Variants in STXBP4 observed in about 807,000 individuals in gnomAD.
STXBP4 encodes the protein syntaxin binding protein 4.
Under a neutral mutation model 76.1 loss-of-function variants are expected in STXBP4, and 55 were observed. That is an observed-to-expected ratio of 0.72 (90% confidence interval 0.58 to 0.91). The LOEUF is 0.91. Among genes scored for constraint, STXBP4 ranks in the 40% least tolerant of loss-of-function variants. The pLI, the probability that STXBP4 is intolerant of heterozygous loss-of-function variation, is 0.00. For missense variants in STXBP4, 618 were observed against 636.9 expected (o/e 0.97, Z 0.32); for synonymous variants, 201 against 220.2 (o/e 0.91, Z 0.77).
chr17:55,070,453 A>G (rs909213719), intron 12 of STXBP4, among the ~76,000 whole-genome samples: 6 of 152,172 alleles, frequency 3.9e-5, no homozygotes, highest in African/African-American at 1.4e-4. Context: ...CCTTTTCCAG[A>G]TATTTCTTTC....
chr17:55,085,381 A>G (rs1343159152), intron 16 of STXBP4, among the ~76,000 whole-genome samples: 1 of 152,184 alleles, frequency 6.6e-6, no homozygotes, highest in Non-Finnish European at 1.5e-5. Context: ...ATACATTAGT[A>G]TAAGTTAAAT....
chr17:55,102,244 T>G (rs1213711075), intron 16 of STXBP4, among the ~76,000 whole-genome samples: 1 of 152,090 alleles, frequency 6.6e-6, no homozygotes, highest in Non-Finnish European at 1.5e-5. Context: ...GTTATCTACA[T>G]TAGGTATTTC....
chr17:55,131,594 A>T (rs1420879782), intron 16 of STXBP4, among the ~76,000 whole-genome samples: 3 of 152,230 alleles, frequency 2.0e-5, no homozygotes, highest in Admixed American at 6.5e-5. Context: ...AACCAGTGTA[A>T]ATCAAGCTTG....
At chr17:55,119,554 C>A (rs1419571558) in intron 16 of STXBP4, among the ~76,000 whole-genome samples, 1 of 151,872 alleles carries the variant, frequency 6.6e-6, no homozygotes, top group African/African-American at 2.4e-5. Flanking sequence ...AACCCTAGAA[C>A]TAGAAGAACA....
At chr17:55,121,328 T>A (rs1031759100) in intron 16 of STXBP4, among the ~76,000 whole-genome samples, 10 of 152,160 alleles carry the variant, frequency 6.6e-5, no homozygotes, top group African/African-American at 9.7e-5. Flanking sequence ...AAATTTTGAA[T>A]GGCAGTGATG....
downstream of STXBP4, among the ~76,000 whole-genome samples, chr17:55,176,547 T>C (rs1218969523): frequency 2.6e-5 from 4 of 152,160 alleles, no homozygotes; most frequent in East Asian, 1.9e-4. Flanking sequence ...TCATAAGCTA[T>C]GTTAAAAAAT....
chr17:55,206,301 ACCCCATTCATAT>A, the STXBP4 span, among the ~76,000 whole-genome samples: 1 of 152,138 alleles, frequency 6.6e-6, no homozygotes, highest in Non-Finnish European at 1.5e-5. Flanking sequence ...ATGCCCCCCA[ACCCCATTCATAT>A]GCTGCTATAT....
chr17:55,209,124 G>A, the STXBP4 span, among the ~76,000 whole-genome samples: 1 of 152,044 alleles, frequency 6.6e-6, no homozygotes, highest in African/African-American at 2.4e-5. Flanking sequence ...TTATAAAAGA[G>A]GTGGGATGGA....
intron 13 of STXBP4, among the ~76,000 whole-genome samples, chr17:55,076,749 G>A (rs529049436): frequency 6.6e-6 from 1 of 152,136 alleles, no homozygotes; most frequent in African/African-American, 2.4e-5. Flanking sequence ...TTCATTCTTT[G>A]TATTTGTTCT....
chr17:54,999,663 A>G lies in STXBP4; in HGVS notation c.319A>G (p.Arg107Gly), dbSNP rs752982436. The G allele has an allele frequency of 2.5e-6, 4 of 1,613,736 alleles. No individual in the cohort carries two copies. Among genetic ancestry groups the G allele is most frequent in the Non-Finnish European group, 3.4e-6 (4 of 1,179,826 alleles). ...ATCTGCTTGGGAGATAGCATTCATA[A>G]GACAAAAATCCGACAACATTCAGCC... Reference protein sequence around the residue: ...LESAWEIAFIRQKSDNIQPEN... With the variant: ...LESAWEIAFIGQKSDNIQPEN... Residue 107 changes from arginine (R) to glycine (G), a missense_variant, in exon 6 of 18, where the codon AGA becomes GGA. Physicochemically the swap from Arg to Gly is moderately radical, Grantham distance 125. Transcript: ENST00000376352.
At chr17:55,032,405 A>G (rs1002526882) in intron 9 of STXBP4, among the ~76,000 whole-genome samples, 2 of 152,202 alleles carry the variant, frequency 1.3e-5, no homozygotes, top group Non-Finnish European at 2.9e-5. Flanking sequence ...GGGTGAGGAA[A>G]GTAAATTTGT....
chr17:55,041,426 C>T (rs2078697989), intron 10 of STXBP4, among the ~76,000 whole-genome samples: 1 of 151,964 alleles, frequency 6.6e-6, no homozygotes, highest in South Asian at 2.1e-4. Flanking sequence ...TTATGTTGCC[C>T]AGGCTGATCT....
the STXBP4 span, among the ~76,000 whole-genome samples, chr17:55,198,228 T>G: frequency 3.3e-5 from 5 of 152,226 alleles, no homozygotes; most frequent in Non-Finnish European, 7.3e-5. Context: ...ATACTCTTAA[T>G]TTTCCATCTG....
chr17:54,980,504 A>G (rs9903220), intron 1 of STXBP4, among the ~76,000 whole-genome samples: 42,696 of 152,114 alleles, frequency 0.28, 6,256 homozygotes, highest in African/African-American at 0.35. Context: ...CACAGAGTGG[A>G]AGCAGGCTGC....
At chr17:55,109,058 T>C (rs1567766165) in intron 16 of STXBP4, among the ~76,000 whole-genome samples, 1 of 152,184 alleles carries the variant, frequency 6.6e-6, no homozygotes, top group South Asian at 2.1e-4. Context: ...TCTAAACTAA[T>C]GCAAATAAAG....
intron 8 of STXBP4, among the ~76,000 whole-genome samples, chr17:55,028,644 A>G (rs2078455585): frequency 6.6e-6 from 1 of 152,214 alleles, no homozygotes; most frequent in African/African-American, 2.4e-5. Context: ...ATCAGTAAAG[A>G]TACTTCTTAA....
At chr17:54,983,865 G>T (rs755427966) in intron 1 of STXBP4, among the ~76,000 whole-genome samples, 81 of 152,270 alleles carry the variant, frequency 5.3e-4, no homozygotes, top group Non-Finnish European at 2.2e-4. Flanking sequence ...GTGGACAGCT[G>T]CAGTGGCTCT....
chr17:55,079,971 GAA>G (rs1478721201), intron 15 of STXBP4, among the ~76,000 whole-genome samples: 6 of 152,074 alleles, frequency 3.9e-5, no homozygotes, highest in African/African-American at 1.4e-4. Context: ...TATGATACAA[GAA>G]AACTCTGTGA....
At chr17:55,047,858 T>C (rs1438085854) in intron 12 of STXBP4, among the ~76,000 whole-genome samples, 2 of 151,756 alleles carry the variant, frequency 1.3e-5, no homozygotes, top group Non-Finnish European at 2.9e-5. Flanking sequence ...TTAAAGTACA[T>C]ATAAATACAA....
Sources: gnomAD v4.1 joint callset for allele counts (sites outside exome capture counted in the v4.1 genomes callset) on GRCh38, gnomAD v4.1.1 for gene constraint, MANE v1.5 for transcripts, NCBI Gene and HGNC (gene_info 2026-07-23, HGNC 2026-07-21) for gene names.